IDE: variants seen among roughly 807,000 people sequenced by gnomAD.
IDE encodes insulin degrading enzyme, also known as insulin-degrading enzyme.
IDE carries 58 observed loss-of-function variants against 133.2 expected under a neutral mutation model. The observed-to-expected ratio is 0.44, with a 90% CI of 0.35 to 0.54. The LOEUF (loss-of-function observed/expected upper bound fraction) is 0.54. IDE is among the 20% of genes least tolerant of loss of function. The probability of loss-of-function intolerance (pLI) is 0.00; values close to 1 mark genes in which losing one functional copy is unlikely to be tolerated. For synonymous variants in IDE, 396 were observed against 421.3 expected (o/e 0.94, Z 0.73); for missense variants, 981 against 1,234.0 (o/e 0.79, Z 3.07).
intron 1 of IDE, among the ~76,000 whole-genome samples, chr10:92,558,496 A>G (rs1843121236): frequency 6.6e-6 from 1 of 152,270 alleles, no homozygotes; most frequent in Non-Finnish European, 1.5e-5. Context: ...TCTGCTTCAA[A>G]GAACACCATC....
intron 13 of IDE, among the ~76,000 whole-genome samples, chr10:92,483,810 T>C (rs1205499541): frequency 6.6e-6 from 1 of 152,154 alleles, no homozygotes; most frequent in East Asian, 1.9e-4. Context: ...ACAGAATTAA[T>C]GGTATACCTC....
intron 4 of IDE, among the ~76,000 whole-genome samples, chr10:92,517,828 A>C (rs1849007776): frequency 6.6e-6 from 1 of 152,088 alleles, no homozygotes; most frequent in South Asian, 2.1e-4. Flanking sequence ...AGGCATGAGA[A>C]TCACTTGAAA....
chr10:92,461,021 A>C (rs1242638155), intron 22 of IDE, among the ~76,000 whole-genome samples, 170 bp downstream of exon 22: 2 of 152,062 alleles, frequency 1.3e-5, no homozygotes, highest in African/African-American at 2.4e-5. Flanking sequence ...TTGTATTTTT[A>C]GTATAAATGG....
intron 1 of IDE, chr10:92,541,261 T>C (rs1842289806): frequency 4.3e-6 from 2 of 462,016 alleles, no homozygotes; most frequent in Non-Finnish European, 9.0e-6. Context: ...ACCTATAGCA[T>C]ATCTATAAAC....
intron 4 of IDE, among the ~76,000 whole-genome samples, chr10:92,516,629 G>A (rs1470983378): frequency 6.6e-6 from 1 of 152,102 alleles, no homozygotes; most frequent in African/African-American, 2.4e-5. Context: ...AATTCCCTAT[G>A]TACTCCATAA....
chr10:92,465,309 G>C (rs1051826176), intron 20 of IDE, among the ~76,000 whole-genome samples: 2 of 152,154 alleles, frequency 1.3e-5, no homozygotes, highest in Non-Finnish European at 2.9e-5. Flanking sequence ...ATATAAAGAC[G>C]AATGAGAGAT....
At chr10:92,468,208 G>A (rs74484911) in intron 19 of IDE, among the ~76,000 whole-genome samples, 6 of 152,302 alleles carry the variant, frequency 3.9e-5, no homozygotes, top group Non-Finnish European at 8.8e-5. Context: ...GGATAAAATA[G>A]CTGGGGGGAA....
intron 11 of IDE, among the ~76,000 whole-genome samples, chr10:92,493,748 G>GACTA (rs1313994789): frequency 6.6e-6 from 1 of 152,128 alleles, no homozygotes; most frequent in Non-Finnish European, 1.5e-5. Context: ...TCAAATACCA[G>GACTA]ACTAACAAAA....
intron 10 of IDE, 61 bp downstream of exon 10, chr10:92,506,381 A>AT: frequency 1.3e-6 from 1 of 770,028 alleles, no homozygotes. Context: ...CTGAAAATAT[A>AT]TGCAAGATTG....
At chr10:92,514,784 C>G in intron 5 of IDE, 136 bp downstream of exon 5, 1 of 664,516 alleles carries the variant, frequency 1.5e-6, no homozygotes, top group Non-Finnish European at 2.5e-6. Context: ...TATGTATTCT[C>G]TAACAAGTAG....
rs181404062 is a variant in IDE, at chr10:92,452,224, A to G, written c.*2220T>C. 1 of 152,358 alleles carries G rather than the reference A, an allele frequency of 6.6e-6. No homozygotes were observed. The highest frequency in any genetic ancestry group is 2.4e-5 in the African/African-American group (1 of 41,578). 9.4% of individuals were successfully genotyped at this position (152,358 alleles called of 1,614,324 possible). A position where few individuals can be genotyped will look rare whatever the true frequency, so the allele number is the denominator to read the frequency against. On this transcript the variant is annotated 3_prime_UTR_variant, in exon 25 of 25. Coordinates refer to ENST00000265986, the MANE Select transcript of IDE (RefSeq NM_004969.4). ...ACTATTTCACTAAAACTGGAAAAAT[A>G]ATACAAATGCAGACTCCAGAGGTGA... is the stretch of plus-strand genomic sequence containing the variant.
intron 4 of IDE, among the ~76,000 whole-genome samples, chr10:92,516,479 G>C (rs1054620670): frequency 2.0e-5 from 3 of 152,156 alleles, no homozygotes; most frequent in Admixed American, 6.5e-5. Context: ...AACAGAGTGA[G>C]ACTCTGTCTC....
In IDE at chr10:92,552,857, C is replaced by CAAAAAAAAAAAAAAAAAAAAAAAAAAAA. The variant is rs71028827; in HGVS notation, c.99-15308_99-15307insTTTTTTTTTTTTTTTTTTTTTTTTTTTT. Among the ~76,000 whole-genome samples the CAAAAAAAAAAAAAAAAAAAAAAAAAAAA allele has an allele frequency of 3.4e-4, 17 of 49,388 alleles. 1 individual carries two copies. Among genetic ancestry groups the CAAAAAAAAAAAAAAAAAAAAAAAAAAAA allele is most frequent in the African/African-American group, 1.6e-3 (15 of 9,342 alleles). 32.4% of individuals were successfully genotyped at this position (49,388 alleles called of 152,430 possible). On this transcript the variant is annotated intron_variant, in intron 1 of 24. Transcript: ENST00000265986. ...TGGGTGACAGAGTAAGACTCAGTCT[C>CAAAAAAAAAAAAAAAAAAAAAAAAAAAA]AAAAAAAAAAAAAAAAAAAAATTAT...
intron 4 of IDE, among the ~76,000 whole-genome samples, chr10:92,528,427 G>T (rs544111862): frequency 4.0e-5 from 6 of 150,484 alleles, no homozygotes; most frequent in Non-Finnish European, 8.8e-5. Context: ...GTAATTAAAT[G>T]CATTTAAAGT....
At position 92,455,656 on chromosome 10, in the gene IDE, A is replaced by G; in HGVS notation, c.2897-13T>C. On this transcript the variant is annotated splice_polypyrimidine_tract_variant and intron_variant, in intron 23 of 24. Transcript: ENST00000265986. ...CCAACAACAGGACCTATAAGAAAAT[A>G]AAAGGTTTAATACTTTGTACTTATT... The G allele has an allele frequency of 6.6e-7, 1 of 1,507,792 alleles. No individual in the cohort carries two copies. Among genetic ancestry groups the G allele is most frequent in the Non-Finnish European group, 9.2e-7 (1 of 1,085,322 alleles). 93.4% of individuals were successfully genotyped at this position (1,507,792 alleles called of 1,614,324 possible). A position where few individuals can be genotyped will look rare whatever the true frequency, so the allele number is the denominator to read the frequency against.
chr10:92,475,214 G>A (rs1369715326), intron 16 of IDE, among the ~76,000 whole-genome samples: 1 of 152,158 alleles, frequency 6.6e-6, no homozygotes, highest in African/African-American at 2.4e-5. Context: ...TTCACTATGG[G>A]ATATCTTTAG....
rs969474807 is a variant in IDE at position 92,452,858 on chromosome 10, TAA to T, written c.*1584_*1585del. On this transcript the variant is annotated 3_prime_UTR_variant, in exon 25 of 25. Coordinates refer to ENST00000265986, the MANE Select transcript of IDE (RefSeq NM_004969.4). ...ATGATTTCACACACCTTCTGATGGA[TAA>T]AGACAGGCTTCATATAAGGAGGTTC... 6.6e-6 allele frequency: 1 copy of T among 152,162 alleles called. No individual in the cohort carries two copies. The highest frequency in any genetic ancestry group is 6.6e-5 in the Admixed American group (1 of 15,262). The allele number at this position is 152,162 out of a possible 1,614,324, so 9.4% of individuals were successfully genotyped here. A position where few individuals can be genotyped will look rare whatever the true frequency, so the allele number is the denominator to read the frequency against.
At position 92,490,473 on chromosome 10, in the gene IDE, C is replaced by T. The variant is rs757969783; in HGVS notation, c.1533+20G>A. ...TGATTCCTCACATGTCAGGCTTATTCATAGATGAGTTAACCCTACCTTGAT... is the reference window on the plus strand; with the variant it reads ...TGATTCCTCACATGTCAGGCTTATTTATAGATGAGTTAACCCTACCTTGAT... On this transcript the variant is annotated intron_variant, in intron 12 of 24. Coordinates refer to ENST00000265986, the MANE Select transcript of IDE (RefSeq NM_004969.4). 1 of 1,410,500 alleles carries T rather than the reference C, an allele frequency of 7.1e-7. No homozygotes were observed. The highest frequency in any genetic ancestry group is 1.0e-6 in the Non-Finnish European group (1 of 997,640). 87.4% of individuals were successfully genotyped at this position (1,410,500 alleles called of 1,614,324 possible).
chr10:92,533,388 C>T (rs1193252261), intron 3 of IDE, among the ~76,000 whole-genome samples: 1 of 152,120 alleles, frequency 6.6e-6, no homozygotes, highest in East Asian at 1.9e-4. Context: ...AAGTAGGAAA[C>T]AGACTACTTT....
Sources: allele counts gnomAD v4.1 joint callset (sites outside exome capture counted in the v4.1 genomes callset), GRCh38; gene constraint gnomAD v4.1.1; transcripts MANE v1.5; gene names NCBI Gene and HGNC (gene_info 2026-07-23, HGNC 2026-07-21).